The following FRMD4A variants were observed in gnomAD, a reference collection of about 807,000 sequenced individuals.
FRMD4A encodes the protein FERM domain-containing protein 4A.
In FRMD4A, 29 loss-of-function variants were observed where a neutral mutation model predicts 129.1. The ratio of observed to expected loss-of-function variants is 0.22; its 90% confidence interval spans 0.17 to 0.31. FRMD4A has a LOEUF of 0.31. Among genes scored for constraint, FRMD4A ranks in the 10% least tolerant of loss-of-function variants. FRMD4A has a pLI of 1.00. For missense variants in FRMD4A, 1,272 were observed against 1,375.8 expected (o/e 0.92, Z 1.19); for synonymous variants, 634 against 571.6 (o/e 1.11, Z -1.56).
chr10:13,743,756 C>G (rs150369327), intron 9 of FRMD4A, among the ~76,000 whole-genome samples: 1 of 152,184 alleles, frequency 6.6e-6, no homozygotes, highest in African/African-American at 2.4e-5. Context: ...TGTTTTGCCC[C>G]CTTAAACATG....
At chr10:14,324,217 AT>A (rs1418499080) in intron 2 of FRMD4A, among the ~76,000 whole-genome samples, 2 of 152,248 alleles carry the variant, frequency 1.3e-5, no homozygotes. Flanking sequence ...TGGATTTCAA[AT>A]TTCACCATTT....
At chr10:14,188,236 G>T (rs6602713) in intron 2 of FRMD4A, among the ~76,000 whole-genome samples, 75,633 of 151,930 alleles carry the variant, frequency 0.5, 20,357 homozygotes, top group African/African-American at 0.72. Flanking sequence ...CTTTCTGGAC[G>T]CCTGCCTCTC....
intron 2 of FRMD4A, among the ~76,000 whole-genome samples, chr10:13,915,247 C>T (rs1589257949): frequency 6.6e-6 from 1 of 152,198 alleles, no homozygotes; most frequent in South Asian, 2.1e-4. Flanking sequence ...ATGTCTAGTC[C>T]CCAAAAGAAT....
In FRMD4A at chr10:14,090,732, T is replaced by C. The variant is rs113557483; in HGVS notation, c.46-231820A>G. 8.3e-3 allele frequency among the ~76,000 whole-genome samples: 1,270 copies of C among 152,356 alleles called. 26 individuals carry two copies. The highest frequency in any genetic ancestry group is 0.029 in the African/African-American group (1,203 of 41,576). Reference sequence around the variant, plus strand: ...TATACTTCCTAGCATGGGTTCAGTATTTTGCAACAAATCTTTCTGCCGTGG... The same window carrying C: ...TATACTTCCTAGCATGGGTTCAGTACTTTGCAACAAATCTTTCTGCCGTGG... On this transcript the variant is annotated intron_variant, in intron 2 of 24. Transcript: ENST00000357447.
At chr10:14,171,037 T>TG (rs1375824987) in intron 2 of FRMD4A, among the ~76,000 whole-genome samples, 1 of 150 alleles carries the variant, frequency 6.7e-3, no homozygotes, top group Non-Finnish European at 0.012. Flanking sequence ...TTTATTTGTT[T>TG]GTTTTTTGCG....
chr10:13,783,570 C>T (rs141977371), intron 5 of FRMD4A, among the ~76,000 whole-genome samples: 1,664 of 149,896 alleles, frequency 0.011, 23 homozygotes, highest in Middle Eastern at 0.017. Flanking sequence ...TTTGTAGATA[C>T]GGAGTCTTCC....
At chr10:14,123,969 A>G (rs1373368636) in intron 2 of FRMD4A, among the ~76,000 whole-genome samples, 1 of 152,156 alleles carries the variant, frequency 6.6e-6, no homozygotes, top group Non-Finnish European at 1.5e-5. Context: ...TGTCCCTTAT[A>G]AGGATGCAGA....
chr10:14,000,099 G>A (rs1183716539), intron 2 of FRMD4A, among the ~76,000 whole-genome samples: 2 of 152,124 alleles, frequency 1.3e-5, no homozygotes, highest in Non-Finnish European at 2.9e-5. Context: ...AGACAAAAAA[G>A]AATTAAAAAT....
At chr10:14,171,426 T>C (rs943248283) in intron 2 of FRMD4A, among the ~76,000 whole-genome samples, 1 of 152,216 alleles carries the variant, frequency 6.6e-6, no homozygotes, top group East Asian at 1.9e-4. Flanking sequence ...GCAATGGCTG[T>C]GTATCACTGA....
At position 13,673,082 on chromosome 10, in the gene FRMD4A, C is replaced by T. The variant is rs1399710498; in HGVS notation, c.1251+1829G>A. On this transcript the variant is annotated intron_variant, in intron 16 of 24. Coordinates refer to ENST00000357447, the MANE Select transcript of FRMD4A (RefSeq NM_018027.5). The stretch of plus-strand genomic sequence containing the variant: ...CCTTACCTTTTTGAAACGTGGATTC[C>T]CTGCCGGGTTTAGGGACTTTTTATT... Among the ~76,000 whole-genome samples the T allele has an allele frequency of 2.0e-5, 3 of 152,072 alleles. No homozygotes were observed. The East Asian group carries it at 5.8e-4, about 29-fold the overall frequency.
Position 13,657,216 on chromosome 10 carries a change from G to T in FRMD4A, c.2373C>A (p.Gly791=), listed in dbSNP as rs1482432391. ...TGCCCGAGCTGGCTGAGCCCAGTGCGCCCGCCGCCCGCTGCCGCTGCCTCT... is the reference window on the plus strand; with the variant it reads ...TGCCCGAGCTGGCTGAGCCCAGTGCTCCCGCCGCCCGCTGCCGCTGCCTCT... The part of the protein sequence containing the change: ...QRQRQRQRAA[G]ALGSASSGSM... The change falls in exon 22 of 25, where the codon GGC becomes GGA. Residue 791 remains glycine, a synonymous_variant. Transcript: ENST00000357447. The T allele has an allele frequency of 1.3e-6, 2 of 1,551,786 alleles. No homozygotes were observed. Among genetic ancestry groups the T allele is most frequent in the Admixed American group, 1.9e-5 (1 of 53,150 alleles).
rs901293411 is a variant in FRMD4A at position 13,657,520 on chromosome 10, G to A, written c.2069C>T (p.Ser690Leu). ...RSPHYVHSTR[S>L]VDISPTRLHS... ...CAGTCGGGTGGGGCTGATGTCCACC[G>A]ACCTGCCGGGAGACGACCCGGGTTG... Residue 690 changes from serine to leucine, a missense_variant and splice_region_variant, in exon 22 of 25, where the codon TCG becomes TTG. Physicochemically the swap from Ser to Leu is moderately radical, Grantham distance 145. Around this residue, in one of 2 missense-constraint regions of FRMD4A, gnomAD observed 972 missense variants for 892.3 expected, o/e 1.09. Transcript: ENST00000357447. 3.2e-6 allele frequency: 5 copies of A among 1,577,278 alleles called. No homozygotes were observed. In the East Asian group the frequency reaches 6.9e-5, roughly 22 times the overall value.
chr10:13,707,661 C>T, intron 12 of FRMD4A: 3 of 986,354 alleles, frequency 3.0e-6, no homozygotes, highest in Non-Finnish European at 3.6e-6. Flanking sequence ...GTGTAAGAGC[C>T]TTGCAAAGGG....
At chr10:14,310,993 C>T (rs1056854091) in intron 2 of FRMD4A, among the ~76,000 whole-genome samples, 4 of 152,072 alleles carry the variant, frequency 2.6e-5, no homozygotes, top group African/African-American at 9.7e-5. Flanking sequence ...TGAAGGATGC[C>T]GCTTCACTAG....
intron 2 of FRMD4A, among the ~76,000 whole-genome samples, chr10:14,148,718 C>T (rs370327977): frequency 4.2e-4 from 63 of 151,400 alleles, no homozygotes; most frequent in African/African-American, 1.3e-3. Flanking sequence ...GCCGAGATTG[C>T]GCCACTGCAC....
intron 2 of FRMD4A, among the ~76,000 whole-genome samples, chr10:14,191,719 A>G (rs1043618193): frequency 3.3e-5 from 5 of 152,060 alleles, no homozygotes; most frequent in Admixed American, 2.6e-4. Context: ...CATTTAACAC[A>G]TTGATGAATA....
intron 2 of FRMD4A, among the ~76,000 whole-genome samples, chr10:14,105,128 C>A (rs1288678035): frequency 6.6e-6 from 1 of 152,180 alleles, no homozygotes; most frequent in Non-Finnish European, 1.5e-5. Context: ...TGGAGCCAAG[C>A]CTGGACCATA....
At chr10:13,668,987 C>T (rs1046678448) in intron 17 of FRMD4A, among the ~76,000 whole-genome samples, 1 of 151,780 alleles carries the variant, frequency 6.6e-6, no homozygotes, top group Admixed American at 6.6e-5. Flanking sequence ...CATTCAATCC[C>T]AGGGACACCC....
chr10:14,198,133 G>A (rs932708161), intron 2 of FRMD4A, among the ~76,000 whole-genome samples: 7 of 152,204 alleles, frequency 4.6e-5, no homozygotes, highest in Non-Finnish European at 5.9e-5. Flanking sequence ...TGAGATGGTG[G>A]CACGAATCAA....
Sources: gnomAD v4.1 joint callset for allele counts (sites outside exome capture counted in the v4.1 genomes callset) on GRCh38, gnomAD v4.1.1 for gene constraint, gnomAD v4.1.1 regional missense constraint, MANE v1.5 for transcripts, NCBI Gene and HGNC (gene_info 2026-07-23, HGNC 2026-07-21) for gene names.